The following ANKS1B variants were observed in gnomAD, a reference collection of about 807,000 sequenced individuals.
ANKS1B encodes ankyrin repeat and sterile alpha motif domain containing 1B.
ANKS1B carries 36 observed loss-of-function variants against 148.3 expected under a neutral mutation model. That is an observed-to-expected ratio of 0.24 (90% confidence interval 0.19 to 0.32). The LOEUF (loss-of-function observed/expected upper bound fraction) is 0.32, where lower values mean the gene tolerates loss of function less well. ANKS1B is among the 10% of genes least tolerant of loss of function. The pLI, the probability that ANKS1B is intolerant of heterozygous loss-of-function variation, is 1.00. For missense variants in ANKS1B, 1,157 were observed against 1,542.6 expected (o/e 0.75, Z 4.19); for synonymous variants, 542 against 560.8 (o/e 0.97, Z 0.47).
At chr12:98,832,191 T>A in intron 17 of ANKS1B, 55 bp from the exon 18 acceptor site, 1 of 1,365,484 alleles carries the variant, frequency 7.3e-7, no homozygotes, top group Non-Finnish European at 1.0e-6. Context: ...ATAATTTTTA[T>A]ATGTCCTAAA....
At chr12:99,576,868 G>A (rs535555846) in intron 9 of ANKS1B, among the ~76,000 whole-genome samples, 5 of 151,938 alleles carry the variant, frequency 3.3e-5, no homozygotes, top group African/African-American at 1.2e-4. Flanking sequence ...TCCAGGTACT[G>A]AGCATAGTAC....
chr12:99,342,494 T>C (rs1283227577), intron 12 of ANKS1B, among the ~76,000 whole-genome samples: 1 of 152,050 alleles, frequency 6.6e-6, no homozygotes, highest in African/African-American at 2.4e-5. Context: ...CAACCAATGT[T>C]CATTGAATGA....
At chr12:99,901,576 G>A (rs2093602520) in intron 1 of ANKS1B, among the ~76,000 whole-genome samples, 1 of 152,060 alleles carries the variant, frequency 6.6e-6, no homozygotes, top group African/African-American at 2.4e-5. Context: ...ATTATTCTGG[G>A]TCTTCTGGTA....
At chr12:99,873,088 TA>T (rs1429174419) in intron 1 of ANKS1B, among the ~76,000 whole-genome samples, 3 of 152,210 alleles carry the variant, frequency 2.0e-5, no homozygotes, top group Admixed American at 2.0e-4. Context: ...ACCTACCTCA[TA>T]GGGCTATTGT....
At chr12:99,470,603 ATTAC>A (rs2096224803) in intron 10 of ANKS1B, among the ~76,000 whole-genome samples, 1 of 152,140 alleles carries the variant, frequency 6.6e-6, no homozygotes, top group South Asian at 2.1e-4. Context: ...AGTTTAATAG[ATTAC>A]TTCTTTTATA....
intron 12 of ANKS1B, among the ~76,000 whole-genome samples, chr12:99,384,989 T>C (rs1173100519): frequency 6.6e-6 from 1 of 152,204 alleles, no homozygotes; most frequent in African/African-American, 2.4e-5. Context: ...AATTTGATAA[T>C]ACACCTAATT....
At position 99,622,621 on chromosome 12, in the gene ANKS1B, G is replaced by A. The variant is rs77091925; in HGVS notation, c.1272+32446C>T. On this transcript the variant is annotated intron_variant, in intron 9 of 26. Transcript: ENST00000683438. ...TATGAACAGTTATGTGCATACAGGT[G>A]TATGCACATAAACTAGAAAATCTAG... Among the ~76,000 whole-genome samples, 966 of 151,598 alleles carry A rather than the reference G, an allele frequency of 6.4e-3. 31 individuals carry two copies. In the East Asian group the frequency reaches 0.1, roughly 16 times the overall value.
intron 17 of ANKS1B, among the ~76,000 whole-genome samples, chr12:98,906,562 A>G (rs201410): frequency 0.15 from 22,428 of 152,220 alleles, 2,051 homozygotes; most frequent in Non-Finnish European, 0.21. Flanking sequence ...AGAGAAAATC[A>G]TAGGAAGGGC....
At chr12:99,085,484 C>G (rs1038043515) in intron 15 of ANKS1B, among the ~76,000 whole-genome samples, 6 of 151,802 alleles carry the variant, frequency 4.0e-5, no homozygotes, top group Non-Finnish European at 8.8e-5. Flanking sequence ...AATCATTTTT[C>G]CCCCCTTGAT....
At position 99,658,106 on chromosome 12, in the gene ANKS1B, T is replaced by C. The variant is rs536188957; in HGVS notation, c.1129-2896A>G. On this transcript the variant is annotated intron_variant, in intron 8 of 26. Transcript: ENST00000683438. ...ATTGTTTACCCTTGCCTAATCATGC[T>C]CTATGCTTTTATTCTTTCTTTCACC... is the stretch of plus-strand genomic sequence containing the variant. Among the ~76,000 whole-genome samples, 31 of 152,276 alleles carry C rather than the reference T, an allele frequency of 2.0e-4. 1 individual carries two copies. In the South Asian group the frequency reaches 5.6e-3, roughly 27 times the overall value.
chr12:99,146,633 C>T (rs2073210135), intron 15 of ANKS1B, among the ~76,000 whole-genome samples: 1 of 152,144 alleles, frequency 6.6e-6, no homozygotes, highest in Admixed American at 6.5e-5. Flanking sequence ...TCTGAACAGC[C>T]TCAGCTATTG....
intron 14 of ANKS1B, among the ~76,000 whole-genome samples, chr12:99,169,928 G>C (rs1175782647): frequency 1.3e-5 from 2 of 152,154 alleles, no homozygotes; most frequent in Non-Finnish European, 2.9e-5. Flanking sequence ...TGGGAAACTT[G>C]TCCTTTTGCA....
chr12:99,499,079 T>C (rs994666574), intron 10 of ANKS1B, among the ~76,000 whole-genome samples: 1 of 152,228 alleles, frequency 6.6e-6, no homozygotes, highest in Non-Finnish European at 1.5e-5. Context: ...GTAACAGTTA[T>C]GTTGATGCTC....
intron 8 of ANKS1B, among the ~76,000 whole-genome samples, chr12:99,729,842 T>C (rs1417812371): frequency 6.6e-6 from 1 of 152,252 alleles, no homozygotes; most frequent in Non-Finnish European, 1.5e-5. Context: ...TTCACTGTCA[T>C]CCTCATCTTT....
intron 12 of ANKS1B, among the ~76,000 whole-genome samples, chr12:99,365,190 C>T (rs1364885146): frequency 6.6e-6 from 1 of 152,158 alleles, no homozygotes; most frequent in Non-Finnish European, 1.5e-5. Context: ...GCTCCTGCCG[C>T]CCACAAGGGC....
chr12:99,081,052 G>T (rs2049559218), intron 16 of ANKS1B, among the ~76,000 whole-genome samples: 1 of 152,176 alleles, frequency 6.6e-6, no homozygotes, highest in Admixed American at 6.6e-5. Flanking sequence ...CGAGAAAGAT[G>T]CATTCTATGT....
chr12:99,240,535 C>A lies in ANKS1B; in HGVS notation c.2419+3807G>T, dbSNP rs999706596. ...AGAAAGTTAACAAGGATATCCAGGACTTGAACTCAGCTCTGGACCAAGCGG... is the reference window on the plus strand; with the variant it reads ...AGAAAGTTAACAAGGATATCCAGGAATTGAACTCAGCTCTGGACCAAGCGG... On this transcript the variant is annotated intron_variant, in intron 14 of 26. Transcript: ENST00000683438. 2.0e-5 allele frequency among the ~76,000 whole-genome samples: 3 copies of A among 152,190 alleles called. No homozygotes were observed. The East Asian group carries it at 5.8e-4, about 29-fold the overall frequency.
intron 6 of ANKS1B, among the ~76,000 whole-genome samples, chr12:99,777,941 G>A (rs1390562053): frequency 6.6e-6 from 1 of 151,362 alleles, no homozygotes; most frequent in African/African-American, 2.4e-5. Flanking sequence ...GCTCACGCCT[G>A]TAATCCCAGC....
intron 1 of ANKS1B, among the ~76,000 whole-genome samples, chr12:99,909,717 G>T (rs960199760): frequency 8.6e-5 from 13 of 151,884 alleles, no homozygotes; most frequent in African/African-American, 3.1e-4. Context: ...TGCCTATTTG[G>T]GGTCTTTTAT....
Sources: allele counts gnomAD v4.1 joint callset (sites outside exome capture counted in the v4.1 genomes callset), GRCh38; gene constraint gnomAD v4.1.1; transcripts MANE v1.5; gene names NCBI Gene and HGNC (gene_info 2026-07-23, HGNC 2026-07-21).